GRIK4: variants seen among roughly 807,000 people sequenced by gnomAD.
GRIK4 encodes glutamate receptor ionotropic, kainate 4.
Under a neutral mutation model 104.9 loss-of-function variants are expected in GRIK4, and 40 were observed. The ratio of observed to expected loss-of-function variants is 0.38; its 90% CI spans 0.30 to 0.50. GRIK4 has a LOEUF of 0.50. Ranked by LOEUF, GRIK4 falls within the 20% of genes least tolerant of loss-of-function variation. GRIK4 has a pLI of 0.93. For missense variants in GRIK4, 1,047 were observed against 1,308.1 expected, an observed-to-expected ratio of 0.80 and a Z score of 3.08; for synonymous variants, 485 against 524.9, an observed-to-expected ratio of 0.92 and a Z score of 1.04.
intron 3 of GRIK4, among the ~76,000 whole-genome samples, chr11:120,754,660 C>T (rs564162284): frequency 2.6e-4 from 40 of 152,286 alleles, no homozygotes; most frequent in Admixed American, 1.9e-3. Flanking sequence ...CTTTGGGGAA[C>T]TCCAGACTGC....
chr11:120,743,459 G>T (rs1375042830), intron 3 of GRIK4, among the ~76,000 whole-genome samples: 1 of 152,166 alleles, frequency 6.6e-6, no homozygotes, highest in Non-Finnish European at 1.5e-5. Flanking sequence ...GAGTGGAAAA[G>T]ATAACTCTTG....
intron 8 of GRIK4, among the ~76,000 whole-genome samples, chr11:120,845,930 A>C (rs1423450122): frequency 6.6e-6 from 1 of 152,218 alleles, no homozygotes. Flanking sequence ...CACCCTACCC[A>C]ATGCAAACCC....
intron 1 of GRIK4, among the ~76,000 whole-genome samples, chr11:120,540,204 G>A (rs1426006350): frequency 6.6e-6 from 1 of 152,180 alleles, no homozygotes; most frequent in Non-Finnish European, 1.5e-5. Context: ...AGTGCATGGA[G>A]ATGCTTTTAG....
rs79478710 is a variant in GRIK4, at chr11:120,674,792, C to G, written c.82+14392C>G. 1.9e-4 allele frequency among the ~76,000 whole-genome samples: 29 copies of G among 152,350 alleles called. No homozygotes were observed. The South Asian group carries it at 2.3e-3, about 12-fold the overall frequency. ...GGGAAACATATAGCCCTGGGGGCCCCCACAGGAATCTCTGTTATGGAGCTG... is the reference window on the plus strand; with the variant it reads ...GGGAAACATATAGCCCTGGGGGCCCGCACAGGAATCTCTGTTATGGAGCTG... On this transcript the variant is annotated intron_variant, in intron 3 of 20. Coordinates refer to ENST00000527524, the MANE Select transcript of GRIK4 (RefSeq NM_014619.5).
chr11:120,637,458 A>G (rs1949413131), intron 1 of GRIK4, among the ~76,000 whole-genome samples: 1 of 152,036 alleles, frequency 6.6e-6, no homozygotes, highest in Non-Finnish European at 1.5e-5. Flanking sequence ...TTCTTTCTTC[A>G]TACACCTTTT....
At chr11:120,563,927 T>C (rs1461578510) in intron 1 of GRIK4, among the ~76,000 whole-genome samples, 1 of 152,166 alleles carries the variant, frequency 6.6e-6, no homozygotes, top group Admixed American at 6.5e-5. Flanking sequence ...CCAGTGACAC[T>C]CCAGGCCTAA....
At chr11:120,705,814 G>A (rs938020999) in intron 3 of GRIK4, among the ~76,000 whole-genome samples, 4 of 152,070 alleles carry the variant, frequency 2.6e-5, no homozygotes, top group Non-Finnish European at 5.9e-5. Flanking sequence ...CAGATTGTCC[G>A]TTGCTGGTAT....
intron 4 of GRIK4, among the ~76,000 whole-genome samples, chr11:120,803,133 G>A (rs547305725): frequency 2.6e-4 from 39 of 152,282 alleles, no homozygotes; most frequent in Non-Finnish European, 4.7e-4. Flanking sequence ...ATTCATTCAT[G>A]TTCTGGACAT....
At position 120,682,713 on chromosome 11, in the gene GRIK4, G is replaced by T. The variant is rs578101783; in HGVS notation, c.82+22313G>T. 5.3e-5 allele frequency among the ~76,000 whole-genome samples: 8 copies of T among 151,814 alleles called. No individual in the cohort carries two copies. In the South Asian group the frequency reaches 1.7e-3, roughly 32 times the overall value. ...GTTTCCATCTTATACATGGGAAGTG[G>T]GTTGCATAGATATGTGGCCTCTTCC... On this transcript the variant is annotated intron_variant, in intron 3 of 20. Transcript: ENST00000527524.
intron 3 of GRIK4, among the ~76,000 whole-genome samples, chr11:120,692,930 C>T (rs1218196143): frequency 2.0e-5 from 3 of 151,714 alleles, no homozygotes; most frequent in Non-Finnish European, 4.4e-5. Context: ...TGGGTTTTCA[C>T]CATGTTGGCC....
chr11:120,559,993 G>A (rs546107559), intron 1 of GRIK4, among the ~76,000 whole-genome samples: 3 of 152,140 alleles, frequency 2.0e-5, no homozygotes, highest in Admixed American at 2.0e-4. Context: ...CCCTAGCAGT[G>A]ACATTCCTGT....
At chr11:120,624,818 G>C (rs1949236189) in intron 1 of GRIK4, among the ~76,000 whole-genome samples, 1 of 152,068 alleles carries the variant, frequency 6.6e-6, no homozygotes, top group African/African-American at 2.4e-5. Flanking sequence ...CTCCAGGAAA[G>C]GAAAGTATAG....
intron 14 of GRIK4, among the ~76,000 whole-genome samples, chr11:120,946,563 A>G (rs1943865586): frequency 6.6e-6 from 1 of 152,192 alleles, no homozygotes; most frequent in African/African-American, 2.4e-5. Flanking sequence ...CTTCAAGGAG[A>G]TTGGGTATAT....
At chr11:120,946,762 G>A (rs1301024024) in intron 14 of GRIK4, among the ~76,000 whole-genome samples, 1 of 152,154 alleles carries the variant, frequency 6.6e-6, no homozygotes, top group African/African-American at 2.4e-5. Context: ...GTTGCAGGGG[G>A]CATTGAAACC....
At chr11:120,712,125 G>A (rs143816058) in intron 3 of GRIK4, among the ~76,000 whole-genome samples, 165 of 152,326 alleles carry the variant, frequency 1.1e-3, no homozygotes, top group African/African-American at 3.6e-3. Context: ...GTAAAGTAAG[G>A]TGAATACTCC....
Position 120,986,302 on chromosome 11 carries a change from AGGGGAGGGGCGGGGCGGGC to A in GRIK4, c.*44_*62del, listed in dbSNP as rs747462294. Reference sequence around the variant, plus strand: ...ACGCGCAGAGGCCGGGCGGGGCGGGAGGGGAGGGGCGGGGCGGGCGCTGCTGTCAGCCGCCAGCCGGAAC... The same window carrying A: ...ACGCGCAGAGGCCGGGCGGGGCGGGAGCTGCTGTCAGCCGCCAGCCGGAAC... On this transcript the variant is annotated 3_prime_UTR_variant, in exon 21 of 21. Coordinates refer to ENST00000527524, the MANE Select transcript of GRIK4 (RefSeq NM_014619.5). 1.4e-5 allele frequency: 4 copies of A among 276,016 alleles called. No individual in the cohort carries two copies. The highest frequency in any genetic ancestry group is 6.7e-5 in the South Asian group (2 of 29,906). 17.1% of individuals were successfully genotyped at this position (276,016 alleles called of 1,614,324 possible). A position where few individuals can be genotyped will look rare whatever the true frequency, so the allele number is the denominator to read the frequency against.
At position 120,661,230 on chromosome 11, in the gene GRIK4, G is replaced by A. The variant is rs569368951; in HGVS notation, c.82+830G>A. ...ATGTGGGGTGTCGGGGATCAGGGGT[G>A]TCTATGTGTACATCGGGGGATGGGG... On this transcript the variant is annotated intron_variant, in intron 3 of 20. Coordinates refer to ENST00000527524, the MANE Select transcript of GRIK4 (RefSeq NM_014619.5). Among the ~76,000 whole-genome samples the A allele has an allele frequency of 1.4e-4, 21 of 152,290 alleles. No individual in the cohort carries two copies. The South Asian group carries it at 3.5e-3, about 26-fold the overall frequency.
At chr11:120,614,954 G>C (rs1244529676) in intron 1 of GRIK4, among the ~76,000 whole-genome samples, 1 of 152,138 alleles carries the variant, frequency 6.6e-6, no homozygotes, top group African/African-American at 2.4e-5. Flanking sequence ...AGCTGAGATC[G>C]CGCCACTGCA....
Position 120,903,872 on chromosome 11 carries a change from G to T in GRIK4, c.1273-1418G>T, listed in dbSNP as rs571698933. On this transcript the variant is annotated intron_variant, in intron 12 of 20. Coordinates refer to ENST00000527524, the MANE Select transcript of GRIK4 (RefSeq NM_014619.5). The surrounding 1 kb of genome is among the most constrained non-coding windows in gnomAD (Gnocchi z 4.4). Reference sequence around the variant, plus strand: ...GCCCCCACCACGCCTGCCTTCAAAAGGTCGGCAGTGACACATGATCAACAC... The same window carrying T: ...GCCCCCACCACGCCTGCCTTCAAAATGTCGGCAGTGACACATGATCAACAC... 1.0e-3 allele frequency among the ~76,000 whole-genome samples: 155 copies of T among 152,326 alleles called. No individual in the cohort carries two copies. Among genetic ancestry groups the T allele is most frequent in the African/African-American group, 3.6e-3 (150 of 41,578 alleles).
Sources: allele counts gnomAD v4.1 joint callset (sites outside exome capture counted in the v4.1 genomes callset), GRCh38; gene constraint gnomAD v4.1.1; non-coding constraint Gnocchi (gnomAD v3.1); transcripts MANE v1.5; gene names NCBI Gene and HGNC (gene_info 2026-07-23, HGNC 2026-07-21).